ALMS1: variants seen among roughly 807,000 people sequenced by gnomAD.
The protein encoded by ALMS1 is centrosome-associated protein ALMS1.
Under a neutral mutation model 352.2 loss-of-function variants are expected in ALMS1, and 271 were observed. The ratio of observed to expected loss-of-function variants is 0.77; its 90% CI spans 0.70 to 0.85. ALMS1 has a LOEUF of 0.85. ALMS1 is among the 40% of genes least tolerant of loss of function. The pLI is 0.00. For synonymous variants in ALMS1, 1,865 were observed against 1,761.2 expected (o/e 1.06, Z -1.48); for missense variants, 5,445 against 4,870.7 (o/e 1.12, Z -3.51).
chr2:73,596,469 CTTTT>C (rs755275134), intron 16 of ALMS1, among the ~76,000 whole-genome samples: 2 of 139,664 alleles, frequency 1.4e-5, no homozygotes, highest in South Asian at 2.3e-4. Context: ...ATGTCTGTAT[CTTTT>C]TTTTTTTTTT....
chr2:73,495,438 G>A (rs567291192), intron 10 of ALMS1, among the ~76,000 whole-genome samples: 1 of 152,116 alleles, frequency 6.6e-6, no homozygotes, highest in African/African-American at 2.4e-5. Flanking sequence ...GTTTCACCAT[G>A]TTGGCCAGGC....
intron 18 of ALMS1, 77 bp from the exon 19 acceptor site, chr2:73,601,118 C>A: frequency 6.2e-7 from 1 of 1,603,634 alleles, no homozygotes; most frequent in Non-Finnish European, 8.5e-7. Context: ...GTATTATATG[C>A]ATATCCTGGA....
At chr2:73,551,024 G>A (rs1470706165) in intron 13 of ALMS1, among the ~76,000 whole-genome samples, 2 of 150,746 alleles carry the variant, frequency 1.3e-5, no homozygotes, top group African/African-American at 5.0e-5. Flanking sequence ...TTTTTATAGT[G>A]ATGGGGGGTT....
intron 9 of ALMS1, among the ~76,000 whole-genome samples, chr2:73,455,842 A>T (rs978135782): frequency 2.0e-5 from 3 of 150,398 alleles, no homozygotes; most frequent in Admixed American, 2.0e-4. Context: ...TGTTTTATCA[A>T]TTTTTTTTTT....
chr2:73,447,859 T>G, intron 7 of ALMS1, 101 bp from the exon 8 acceptor site: 1 of 1,387,828 alleles, frequency 7.2e-7, no homozygotes, highest in Non-Finnish European at 9.5e-7. Flanking sequence ...TAGGATTCAT[T>G]TCTAGAAGCT....
Position 73,449,792 on chromosome 2 carries a change from A to G in ALMS1, c.3265A>G (p.Thr1089Ala), listed in dbSNP as rs947554207. Residue 1089 changes from threonine (T) to alanine (A), a missense_variant, in exon 8 of 23, where the codon ACA becomes GCA. Physicochemically the swap from Thr to Ala is moderately conservative, Grantham distance 58 (BLOSUM62 0). Transcript: ENST00000613296. The stretch of plus-strand genomic sequence containing the variant: ...TGGACCAGCTGACCAGATGACTGAC[A>G]CACCAGCAGTACCGTCTACTTTCTA... ...FPGPADQMTD[T>A]PAVPSTFYSQ... 6 of 1,613,992 alleles carry G rather than the reference A, an allele frequency of 3.7e-6. No individual in the cohort carries two copies. The highest frequency in any genetic ancestry group is 5.1e-6 in the Non-Finnish European group (6 of 1,179,980).
intron 16 of ALMS1, among the ~76,000 whole-genome samples, chr2:73,589,896 T>C (rs1046719375): frequency 6.6e-6 from 1 of 152,240 alleles, no homozygotes; most frequent in South Asian, 2.1e-4. Flanking sequence ...CTCGTATACT[T>C]AATTTCCTAC....
chr2:73,440,590 AT>A (rs1671699828), intron 7 of ALMS1, among the ~76,000 whole-genome samples: 1 of 147,094 alleles, frequency 6.8e-6, no homozygotes, highest in Admixed American at 6.8e-5. Context: ...CGCCCAGCTA[AT>A]TTTTTGTATT....
intron 12 of ALMS1, among the ~76,000 whole-genome samples, chr2:73,541,552 C>T (rs1674180900): frequency 6.6e-6 from 1 of 152,068 alleles, no homozygotes; most frequent in East Asian, 1.9e-4. Context: ...TCACAAAATA[C>T]CCTTCAAAAA....
chr2:73,455,816 TAAG>T (rs1672048296), intron 9 of ALMS1, among the ~76,000 whole-genome samples: 1 of 152,140 alleles, frequency 6.6e-6, no homozygotes, highest in Non-Finnish European at 1.5e-5. Flanking sequence ...CTTAGAAAAA[TAAG>T]AACTGATTTG....
At chr2:73,465,567 C>A (rs1672317770) in intron 9 of ALMS1, among the ~76,000 whole-genome samples, 1 of 152,280 alleles carries the variant, frequency 6.6e-6, no homozygotes, top group South Asian at 2.1e-4. Flanking sequence ...CCATTCAGGA[C>A]ATAGGCATGG....
intron 7 of ALMS1, among the ~76,000 whole-genome samples, chr2:73,442,942 C>T (rs969271991): frequency 6.6e-6 from 1 of 152,166 alleles, no homozygotes; most frequent in Admixed American, 6.5e-5. Flanking sequence ...ACTCTTCCTT[C>T]TCTATTTCTT....
At chr2:73,420,748 G>A (rs1034970587) in intron 3 of ALMS1, among the ~76,000 whole-genome samples, 14 of 152,148 alleles carry the variant, frequency 9.2e-5, no homozygotes, top group African/African-American at 3.4e-4. Flanking sequence ...ATTTACTATA[G>A]TTAGGGCAGA....
chr2:73,461,744 G>A (rs904837592), intron 9 of ALMS1, among the ~76,000 whole-genome samples: 12 of 152,150 alleles, frequency 7.9e-5, no homozygotes, highest in African/African-American at 2.7e-4. Flanking sequence ...AATAACCAAT[G>A]CAGAGAAGTC....
At chr2:73,437,464 A>C (rs952925318) in intron 7 of ALMS1, among the ~76,000 whole-genome samples, 3 of 152,144 alleles carry the variant, frequency 2.0e-5, no homozygotes, top group African/African-American at 7.2e-5. Context: ...GACTGGGTGA[A>C]GGTAGGTTGC....
chr2:73,494,484 A>ATT (rs1673062078), intron 10 of ALMS1, among the ~76,000 whole-genome samples: 1 of 152,188 alleles, frequency 6.6e-6, no homozygotes, highest in Non-Finnish European at 1.5e-5. Context: ...TTTTTCCACA[A>ATT]ATGAACCTTT....
intron 12 of ALMS1, among the ~76,000 whole-genome samples, chr2:73,542,053 G>C (rs1217970338): frequency 6.6e-6 from 1 of 152,202 alleles, no homozygotes; most frequent in Non-Finnish European, 1.5e-5. Flanking sequence ...AAGCCTGGCA[G>C]AGACACAACC....
At position 73,449,434 on chromosome 2, in the gene ALMS1, G is replaced by A; in HGVS notation, c.2907G>A (p.Leu969=). The A allele has an allele frequency of 6.2e-7, 1 of 1,614,010 alleles. No individual in the cohort carries two copies. Among genetic ancestry groups the A allele is most frequent in the Non-Finnish European group, 8.5e-7 (1 of 1,179,986 alleles). ...CTAGTGTTTTCTACCAGCAAGAGTT[G>A]CCAGACAGTGATCTACCTAGAGAAT... ...EKSSVFYQQE[L]PDSDLPRESL... The change falls in exon 8 of 23, where the codon TTG becomes TTA. Residue 969 remains leucine (L), a synonymous_variant. Transcript: ENST00000613296.
intron 12 of ALMS1, among the ~76,000 whole-genome samples, chr2:73,537,490 A>T (rs1306842044): frequency 6.6e-6 from 1 of 152,170 alleles, no homozygotes; most frequent in African/African-American, 2.4e-5. Context: ...GAGCCATTTG[A>T]TGAAGGCCGG....
Sources: gnomAD v4.1 joint callset for allele counts (sites outside exome capture counted in the v4.1 genomes callset) on GRCh38, gnomAD v4.1.1 for gene constraint, MANE v1.5 for transcripts, NCBI Gene and HGNC (gene_info 2026-07-23, HGNC 2026-07-21) for gene names.